BNC2: variants seen among roughly 807,000 people sequenced by gnomAD.
The protein encoded by BNC2 is zinc finger protein basonuclin-2.
Under a neutral mutation model 76.3 loss-of-function variants are expected in BNC2, and 20 were observed. The observed-to-expected ratio is 0.26, with a 90% CI of 0.18 to 0.38. The LOEUF is 0.38. BNC2 is among the 10% of genes least tolerant of loss of function. The pLI is 1.00. For missense variants in BNC2, 1,382 were observed against 1,399.8 expected (o/e 0.99, Z 0.20); for synonymous variants, 582 against 514.8 (o/e 1.13, Z -1.77).
chr9:16,709,055 C>T (rs1042867177), intron 3 of BNC2, among the ~76,000 whole-genome samples: 3 of 152,160 alleles, frequency 2.0e-5, no homozygotes, highest in East Asian at 1.9e-4. Flanking sequence ...GAGGCAGCTT[C>T]GGCTTCACCG....
At chr9:16,629,471 T>C (rs1278542302) in intron 3 of BNC2, among the ~76,000 whole-genome samples, 3 of 152,202 alleles carry the variant, frequency 2.0e-5, no homozygotes, top group Admixed American at 6.5e-5. Context: ...GGGAGTTCAG[T>C]GCTGGGCTGA....
intron 5 of BNC2, among the ~76,000 whole-genome samples, chr9:16,456,970 G>C (rs1294918028): frequency 6.6e-6 from 1 of 152,134 alleles, no homozygotes; most frequent in African/African-American, 2.4e-5. Flanking sequence ...TTATTCAATA[G>C]TAGAAAGCAG....
intron 5 of BNC2, among the ~76,000 whole-genome samples, chr9:16,498,381 T>C (rs529360593): frequency 2.9e-4 from 43 of 150,654 alleles, no homozygotes; most frequent in African/African-American, 5.6e-4. Flanking sequence ...CTAGATGAGA[T>C]TGGAGACTAC....
intron 3 of BNC2, among the ~76,000 whole-genome samples, chr9:16,711,912 A>C (rs1017902822): frequency 6.6e-6 from 1 of 152,240 alleles, no homozygotes; most frequent in Non-Finnish European, 1.5e-5. Context: ...CTAATCGCTC[A>C]CCCAATCTGA....
At chr9:16,832,971 G>A (rs1269157972) in intron 1 of BNC2, among the ~76,000 whole-genome samples, 1 of 152,024 alleles carries the variant, frequency 6.6e-6, no homozygotes, top group African/African-American at 2.4e-5. Flanking sequence ...TGATCCGCCT[G>A]CCTTGACCTC....
intron 5 of BNC2, among the ~76,000 whole-genome samples, chr9:16,550,982 G>A (rs1261821351): frequency 6.6e-6 from 1 of 152,132 alleles, no homozygotes; most frequent in Non-Finnish European, 1.5e-5. Context: ...CAGGGATTGT[G>A]AAACCAGTTC....
chr9:16,530,130 CGCACCTG>C (rs1262919776), intron 5 of BNC2, among the ~76,000 whole-genome samples: 1 of 151,344 alleles, frequency 6.6e-6, no homozygotes, highest in Non-Finnish European at 1.5e-5. Context: ...CATGAGCCAC[CGCACCTG>C]GCCAAAAAAG....
At chr9:16,517,517 T>C (rs1275869286) in intron 5 of BNC2, among the ~76,000 whole-genome samples, 1 of 152,166 alleles carries the variant, frequency 6.6e-6, no homozygotes, top group Non-Finnish European at 1.5e-5. Context: ...GAAGGGGCAG[T>C]GGGAGGGTAA....
intron 1 of BNC2, among the ~76,000 whole-genome samples, chr9:16,762,775 G>C (rs1018414383): frequency 1.3e-5 from 2 of 152,142 alleles, no homozygotes; most frequent in Non-Finnish European, 2.9e-5. Flanking sequence ...TGAGATGACT[G>C]TTTAGCATTA....
chr9:16,474,060 A>G (rs896487629), intron 5 of BNC2, among the ~76,000 whole-genome samples: 3 of 152,198 alleles, frequency 2.0e-5, no homozygotes, highest in African/African-American at 7.2e-5. Context: ...TTTGATACCA[A>G]AGATAAACAA....
At chr9:16,508,438 A>G (rs1330700301) in intron 5 of BNC2, among the ~76,000 whole-genome samples, 2 of 152,236 alleles carry the variant, frequency 1.3e-5, no homozygotes, top group Non-Finnish European at 2.9e-5. Context: ...ATTAATGCTC[A>G]GTAAAAAAAC....
rs139442605 is a variant in BNC2, at chr9:16,767,087, T to G, written c.4-28602A>C. Among the ~76,000 whole-genome samples, 30 of 152,316 alleles carry G rather than the reference T, an allele frequency of 2.0e-4. No homozygotes were observed. The East Asian group carries it at 5.8e-3, about 29-fold the overall frequency. On this transcript the variant is annotated intron_variant, in intron 1 of 6. Transcript: ENST00000380672. Reference sequence around the variant, plus strand: ...CTAAGCATCTCTGAACATTATATACTTCATTCCCAAAGGAGAATCTAGGAA... The same window carrying G: ...CTAAGCATCTCTGAACATTATATACGTCATTCCCAAAGGAGAATCTAGGAA...
intron 1 of BNC2, among the ~76,000 whole-genome samples, chr9:16,833,611 G>T (rs1818634109): frequency 6.6e-6 from 1 of 152,092 alleles, no homozygotes; most frequent in South Asian, 2.1e-4. Context: ...CCATTATGGG[G>T]GCCTCACATG....
chr9:16,665,440 AAG>A (rs1822252976), intron 3 of BNC2, among the ~76,000 whole-genome samples: 1 of 87,980 alleles, frequency 1.1e-5, no homozygotes, highest in African/African-American at 4.8e-5. Flanking sequence ...AAAGAAAAGA[AAG>A]AAAGAAAGAA....
intron 5 of BNC2, among the ~76,000 whole-genome samples, chr9:16,460,843 G>A (rs942594573): frequency 6.6e-6 from 1 of 151,856 alleles, no homozygotes; most frequent in Admixed American, 6.6e-5. Flanking sequence ...AAGGCCTCAC[G>A]GAATTCTAGG....
intron 1 of BNC2, among the ~76,000 whole-genome samples, chr9:16,864,075 CTTATT>C (rs1221954563): frequency 9.2e-5 from 14 of 152,176 alleles, no homozygotes; most frequent in Admixed American, 7.9e-4. Context: ...TTTACAAATA[CTTATT>C]TTATTTATGA....
intron 3 of BNC2, among the ~76,000 whole-genome samples, chr9:16,641,273 A>C (rs1821485341): frequency 6.6e-6 from 1 of 152,300 alleles, no homozygotes; most frequent in African/African-American, 2.4e-5. Context: ...TCATTGAAAA[A>C]GTCAGTGAGA....
At chr9:16,568,281 G>C (rs1016409170) in intron 4 of BNC2, among the ~76,000 whole-genome samples, 1 of 152,124 alleles carries the variant, frequency 6.6e-6, no homozygotes, top group Non-Finnish European at 1.5e-5. Context: ...AGTTCTAAAA[G>C]TTGTTAGCGA....
intron 4 of BNC2, among the ~76,000 whole-genome samples, chr9:16,580,688 A>G (rs1819608919): frequency 6.6e-6 from 1 of 152,218 alleles, no homozygotes; most frequent in Non-Finnish European, 1.5e-5. Flanking sequence ...AGGCTACCAT[A>G]GTAGATAGAT....
Sources: gnomAD v4.1 joint callset for allele counts (sites outside exome capture counted in the v4.1 genomes callset) on GRCh38, gnomAD v4.1.1 for gene constraint, MANE v1.5 for transcripts, NCBI Gene and HGNC (gene_info 2026-07-23, HGNC 2026-07-21) for gene names.